EXOC2: variants seen among roughly 807,000 people sequenced by gnomAD.
The protein encoded by EXOC2 is SEC5-like 1.
A neutral mutation model predicts 131.8 loss-of-function variants in EXOC2; 70 were observed. The ratio of observed to expected loss-of-function variants is 0.53; its 90% confidence interval spans 0.44 to 0.65. The LOEUF (loss-of-function observed/expected upper bound fraction) is 0.65. EXOC2 is among the 30% of genes least tolerant of loss of function. EXOC2 has a pLI of 0.00. For synonymous variants in EXOC2, 411 were observed against 398.4 expected (o/e 1.03, Z -0.38); for missense variants, 923 against 1,108.6 (o/e 0.83, Z 2.38).
chr6:515,991 T>C (rs1429861026), intron 23 of EXOC2, among the ~76,000 whole-genome samples: 3 of 152,166 alleles, frequency 2.0e-5, no homozygotes, highest in African/African-American at 7.2e-5. Context: ...ACCATAACAT[T>C]TGGAAATCAT....
At chr6:564,972 T>C (rs1350050799) in intron 13 of EXOC2, 43 bp from the exon 14 acceptor site, 2 of 1,491,434 alleles carry the variant, frequency 1.3e-6, no homozygotes, top group African/African-American at 2.9e-5. Flanking sequence ...TAGAAATAAT[T>C]TAAAAATAAG....
intron 13 of EXOC2, among the ~76,000 whole-genome samples, chr6:567,135 GT>G (rs922364483): frequency 6.6e-6 from 1 of 152,220 alleles, no homozygotes; most frequent in Non-Finnish European, 1.5e-5. Flanking sequence ...ACCAAGGTGG[GT>G]TTTTTAAAAC....
At chr6:537,899 G>C (rs1766562144) in intron 22 of EXOC2, among the ~76,000 whole-genome samples, 1 of 152,212 alleles carries the variant, frequency 6.6e-6, no homozygotes, top group Non-Finnish European at 1.5e-5. Flanking sequence ...GCAGATAGCA[G>C]CTGGAACGTT....
intron 23 of EXOC2, among the ~76,000 whole-genome samples, chr6:527,246 T>C (rs1420789128): frequency 1.3e-5 from 2 of 152,250 alleles, no homozygotes; most frequent in African/African-American, 4.8e-5. Context: ...ATCTCCATTC[T>C]TGTAGCATTT....
At position 605,091 on chromosome 6, in the gene EXOC2, C is replaced by T. The variant is rs1241334589; in HGVS notation, c.742+5007G>A. On this transcript the variant is annotated intron_variant, in intron 7 of 27. Coordinates refer to ENST00000230449, the MANE Select transcript of EXOC2 (RefSeq NM_018303.6). Reference sequence around the variant, plus strand: ...ATCCCTAGGATAAAACAAACATGTGCTCAATAAATGCTTACAGAGGAAGGA... The same window carrying T: ...ATCCCTAGGATAAAACAAACATGTGTTCAATAAATGCTTACAGAGGAAGGA... Among the ~76,000 whole-genome samples, 4 of 152,076 alleles carry T rather than the reference C, an allele frequency of 2.6e-5. No homozygotes were observed. In the South Asian group the frequency reaches 8.3e-4, roughly 32 times the overall value.
At chr6:601,022 G>C (rs1220175233) in intron 7 of EXOC2, among the ~76,000 whole-genome samples, 1 of 152,126 alleles carries the variant, frequency 6.6e-6, no homozygotes, top group Admixed American at 6.6e-5. Context: ...ACCAAGATTT[G>C]TGCAAATAGA....
intron 11 of EXOC2, among the ~76,000 whole-genome samples, chr6:589,984 G>A (rs1289226386): frequency 2.6e-5 from 4 of 152,130 alleles, no homozygotes; most frequent in Non-Finnish European, 4.4e-5. Context: ...GCGTGGTAGC[G>A]GGCGCCTGTA....
At chr6:490,556 T>C (rs1031895928) in intron 26 of EXOC2, among the ~76,000 whole-genome samples, 4 of 152,222 alleles carry the variant, frequency 2.6e-5, no homozygotes, top group Admixed American at 2.6e-4. Context: ...AGTAAGCATA[T>C]TACAGTGTCC....
At chr6:492,488 A>T (rs1561773534) in intron 25 of EXOC2, among the ~76,000 whole-genome samples, 1 of 152,242 alleles carries the variant, frequency 6.6e-6, no homozygotes, top group South Asian at 2.1e-4. Context: ...TATTAATCAA[A>T]GGTGGGAAAA....
At chr6:633,556 A>G (rs542950738) in intron 2 of EXOC2, among the ~76,000 whole-genome samples, 1 of 152,346 alleles carries the variant, frequency 6.6e-6, no homozygotes, top group East Asian at 1.9e-4. Context: ...TCTTCCTGAG[A>G]CAAATCTTCA....
intron 4 of EXOC2, among the ~76,000 whole-genome samples, chr6:628,427 A>G (rs1761687137): frequency 6.6e-6 from 1 of 152,240 alleles, no homozygotes; most frequent in African/African-American, 2.4e-5. Flanking sequence ...CACTGTGGGC[A>G]GCAGCAACAG....
At chr6:592,716 T>A (rs1169198302) in intron 10 of EXOC2, 129 bp from the exon 11 acceptor site, 3 of 645,914 alleles carry the variant, frequency 4.6e-6, no homozygotes, top group Non-Finnish European at 8.0e-6. Context: ...TAATATTTAA[T>A]TCTCAATGAA....
chr6:507,294 TACAC>T (rs70982901), intron 23 of EXOC2, among the ~76,000 whole-genome samples: 1,708 of 71,564 alleles, frequency 0.024, 39 homozygotes, highest in African/African-American at 0.062. Context: ...CAGCAGTGAC[TACAC>T]ACACACACAC....
At chr6:499,835 G>T (rs1373579238) in intron 23 of EXOC2, 135 bp from the exon 24 acceptor site, 1 of 656,268 alleles carries the variant, frequency 1.5e-6, no homozygotes, top group Non-Finnish European at 2.7e-6. Flanking sequence ...ATTTCCTTTT[G>T]AGAATCAAAT....
At chr6:622,881 A>G (rs191256301) in intron 4 of EXOC2, among the ~76,000 whole-genome samples, 1 of 152,198 alleles carries the variant, frequency 6.6e-6, no homozygotes, top group South Asian at 2.1e-4. Flanking sequence ...CTTACAATGC[A>G]TTACTAAATT....
intron 3 of EXOC2, among the ~76,000 whole-genome samples, chr6:630,740 G>A (rs1176564931): frequency 6.6e-6 from 1 of 152,144 alleles, no homozygotes; most frequent in African/African-American, 2.4e-5. Context: ...TATCAGTGCT[G>A]GAAATGTCCT....
intron 22 of EXOC2, among the ~76,000 whole-genome samples, chr6:535,297 C>T (rs779261169): frequency 1.3e-5 from 2 of 152,020 alleles, no homozygotes; most frequent in African/African-American, 2.4e-5. Flanking sequence ...CCCAGGAGAT[C>T]GAGGCTGCAG....
Position 555,255 on chromosome 6 carries a change from T to C in EXOC2, c.2026A>G (p.Lys676Glu), listed in dbSNP as rs768870351. 1.6e-5 allele frequency: 25 copies of C among 1,529,018 alleles called. No homozygotes were observed. Among genetic ancestry groups the C allele is most frequent in the Middle Eastern group, 1.7e-4 (1 of 5,766 alleles). The allele number at this position is 1,529,018 out of a possible 1,614,324, so 94.7% of individuals were successfully genotyped here. A position where few individuals can be genotyped will look rare whatever the true frequency, so the allele number is the denominator to read the frequency against. Residue 676 changes from lysine to glutamate, a missense_variant, in exon 20 of 28, where the codon AAG (lysine) becomes GAG (glutamate). By Grantham distance (56) the Lys-to-Glu change is moderately conservative. Transcript: ENST00000230449. ...GTAGTATCTATATCTGCATCAGGCTTGGTGCTCAACTGTTCCAGACAGTAT... is the reference window on the plus strand; with the variant it reads ...GTAGTATCTATATCTGCATCAGGCTCGGTGCTCAACTGTTCCAGACAGTAT... ...FIYCLEQLST[K>E]PDADIDTTHL...
At chr6:520,792 C>A (rs1198718435) in intron 23 of EXOC2, among the ~76,000 whole-genome samples, 6 of 141,396 alleles carry the variant, frequency 4.2e-5, no homozygotes, top group South Asian at 2.3e-4. Flanking sequence ...AGCACCAACA[C>A]TCACCGTCCA....
Sources: allele counts gnomAD v4.1 joint callset (sites outside exome capture counted in the v4.1 genomes callset), GRCh38; gene constraint gnomAD v4.1.1; transcripts MANE v1.5; gene names NCBI Gene and HGNC (gene_info 2026-07-23, HGNC 2026-07-21).